The following MLXIPL variants were observed in gnomAD, a reference collection of about 807,000 sequenced individuals.
MLXIPL encodes carbohydrate-responsive element-binding protein.
MLXIPL carries 49 observed loss-of-function variants against 81.5 expected under a neutral mutation model. The ratio of observed to expected loss-of-function variants is 0.60; its 90% CI spans 0.48 to 0.76. The LOEUF (loss-of-function observed/expected upper bound fraction) is 0.76, where lower values mean the gene tolerates loss of function less well. Ranked by LOEUF, MLXIPL falls within the 30% of genes least tolerant of loss-of-function variation. The pLI is 0.00. For synonymous variants in MLXIPL, 466 were observed against 485.5 expected (o/e 0.96, Z 0.53); for missense variants, 1,053 against 1,167.0 (o/e 0.90, Z 1.42).
the MLXIPL span, among the ~76,000 whole-genome samples, chr7:73,633,080 C>CT: frequency 2.3e-3 from 315 of 135,254 alleles, 4 homozygotes; most frequent in Non-Finnish European, 2.9e-3. Flanking sequence ...CCCACCCTAC[C>CT]TTTTTTTTTT....
rs186747809 is a variant in MLXIPL, at chr7:73,620,179, G to A, written c.294-4002C>T. 7.6e-4 allele frequency among the ~76,000 whole-genome samples: 116 copies of A among 151,912 alleles called. 1 individual carries two copies. The highest frequency in any genetic ancestry group is 2.7e-3 in the African/African-American group (112 of 41,418). On this transcript the variant is annotated intron_variant, in intron 1 of 16. Transcript: ENST00000313375. ...AGCACTTTGGGAGGCCAAGGCAGGCGAATCACCTGAGGTCAGGAGTTCAAG... is the reference window on the plus strand; with the variant it reads ...AGCACTTTGGGAGGCCAAGGCAGGCAAATCACCTGAGGTCAGGAGTTCAAG...
chr7:73,631,087 C>T, the MLXIPL span, among the ~76,000 whole-genome samples: 2 of 151,718 alleles, frequency 1.3e-5, no homozygotes, highest in African/African-American at 4.8e-5. Flanking sequence ...CAGCTCACTG[C>T]AAGCTCCATC....
chr7:73,607,357 TGTG>T lies in MLXIPL; in HGVS notation c.544_546del (p.His182del). The T allele has an allele frequency of 6.4e-7, 1 of 1,567,366 alleles. No individual in the cohort carries two copies. Among genetic ancestry groups the T allele is most frequent in the Non-Finnish European group, 8.7e-7 (1 of 1,155,690 alleles). On this transcript the variant is annotated inframe_deletion, in exon 4 of 17. Coordinates refer to ENST00000313375, the MANE Select transcript of MLXIPL (RefSeq NM_032951.3). Reference sequence around the variant, plus strand: ...CGCTTCTTGTAGTAGATGCGCCACTTGTGGTATTCCCGCATCACCACCTCGATG... The same window carrying T: ...CGCTTCTTGTAGTAGATGCGCCACTTGTATTCCCGCATCACCACCTCGATG...
the MLXIPL span, among the ~76,000 whole-genome samples, chr7:73,635,436 C>T: frequency 6.6e-6 from 1 of 152,016 alleles, no homozygotes; most frequent in African/African-American, 2.4e-5. Context: ...GTCAGTCTAC[C>T]CACCCATCTG....
the MLXIPL span, among the ~76,000 whole-genome samples, chr7:73,631,305 G>A: frequency 1.3e-5 from 2 of 151,968 alleles, no homozygotes; most frequent in African/African-American, 2.4e-5. Flanking sequence ...GTGAGCCACC[G>A]CACCCGGCCC....
intron 2 of MLXIPL, among the ~76,000 whole-genome samples, chr7:73,615,351 T>C (rs1563506076): frequency 6.6e-6 from 1 of 152,118 alleles, no homozygotes; most frequent in Non-Finnish European, 1.5e-5. Context: ...GGATCCTCAG[T>C]TTCTCCATTT....
At chr7:73,633,946 G>A in the MLXIPL span, among the ~76,000 whole-genome samples, 1 of 152,288 alleles carries the variant, frequency 6.6e-6, no homozygotes, top group East Asian at 1.9e-4. Flanking sequence ...CCTACGGAAG[G>A]ACTTGGCAAA....
In MLXIPL at chr7:73,596,039, G is replaced by A. The variant is rs782637900; in HGVS notation, c.2059-70C>T. ...ACCCTGGGACCCACTGAGGCACTGG[G>A]ATGGGAGGAGGCAAGAGTGTCTGGA... is the stretch of plus-strand genomic sequence containing the variant. On this transcript the variant is annotated intron_variant, in intron 13 of 16. Transcript: ENST00000313375. The surrounding 1 kb of genome is among the most constrained non-coding windows in gnomAD (Gnocchi z 4.7). 2 of 1,604,180 alleles carry A rather than the reference G, an allele frequency of 1.2e-6. No individual in the cohort carries two copies. Among genetic ancestry groups the A allele is most frequent in the Non-Finnish European group, 1.7e-6 (2 of 1,177,974 alleles).
Position 73,593,730 on chromosome 7 carries a change from C to G in MLXIPL, c.*135G>C. The stretch of plus-strand genomic sequence containing the variant: ...GAGGTGGCAAGTGTGAAACCTGGAC[C>G]CTGCTCCACCCCCCAGGGAAGGGCA... On this transcript the variant is annotated 3_prime_UTR_variant, in exon 17 of 17. Coordinates refer to ENST00000313375, the MANE Select transcript of MLXIPL (RefSeq NM_032951.3). 6.1e-6 allele frequency: 5 copies of G among 813,878 alleles called. No homozygotes were observed. The highest frequency in any genetic ancestry group is 3.5e-4 in the Middle Eastern group (1 of 2,870). The allele number at this position is 813,878 out of a possible 1,614,324, so 50.4% of individuals were successfully genotyped here.
At chr7:73,612,906 C>T (rs782568529) in intron 2 of MLXIPL, among the ~76,000 whole-genome samples, 6 of 152,154 alleles carry the variant, frequency 3.9e-5, no homozygotes, top group Non-Finnish European at 7.4e-5. Flanking sequence ...CACAGCTTAG[C>T]GGGAGAGATA....
At chr7:73,622,991 T>C (rs1554602621) in intron 1 of MLXIPL, among the ~76,000 whole-genome samples, 2 of 151,898 alleles carry the variant, frequency 1.3e-5, no homozygotes, top group Non-Finnish European at 2.9e-5. Flanking sequence ...GCGTGACATT[T>C]GGGGAGGGAG....
In MLXIPL at chr7:73,597,334, A is replaced by G; in HGVS notation, c.1451T>C (p.Phe484Ser). ...TCTGGGCATGGAGAAGCAAGGCCCAAAGGCAGGCTCCGAATACCCCAAGGG... is the reference window on the plus strand; with the variant it reads ...TCTGGGCATGGAGAAGCAAGGCCCAGAGGCAGGCTCCGAATACCCCAAGGG... ...LLPLGYSEPA[F>S]GPCFSMPRGK... The change falls in exon 9 of 17, where the codon TTT becomes TCT. Residue 484 changes from phenylalanine (F) to serine (S), a missense_variant. By Grantham distance (155) the Phe-to-Ser change is radical (BLOSUM62 -2). Coordinates refer to ENST00000313375, the MANE Select transcript of MLXIPL (RefSeq NM_032951.3). 1.3e-6 allele frequency: 2 copies of G among 1,543,112 alleles called. No homozygotes were observed. The highest frequency in any genetic ancestry group is 1.7e-6 in the Non-Finnish European group (2 of 1,144,328).
intron 2 of MLXIPL, among the ~76,000 whole-genome samples, chr7:73,613,498 C>G (rs1423642786): frequency 1.3e-5 from 2 of 152,048 alleles, no homozygotes; most frequent in African/African-American, 4.8e-5. Context: ...ACTTGGGAGG[C>G]TGAGGCACAA....
At chr7:73,619,625 A>C (rs1168391366) in intron 1 of MLXIPL, among the ~76,000 whole-genome samples, 2 of 145,196 alleles carry the variant, frequency 1.4e-5, no homozygotes, top group African/African-American at 5.1e-5. Context: ...TGGGAACCCG[A>C]CTCATAAAAA....
chr7:73,594,339 T>C lies in MLXIPL; in HGVS notation c.2375A>G (p.His792Arg). The C allele has an allele frequency of 1.2e-6, 2 of 1,610,640 alleles. No individual in the cohort carries two copies. The highest frequency in any genetic ancestry group is 2.2e-5 in the South Asian group (2 of 91,080). Residue 792 changes from histidine to arginine, a missense_variant, in exon 16 of 17, where the codon CAC becomes CGC. His to Arg is a conservative substitution (Grantham distance 29, BLOSUM62 0). Around this residue, in one of 3 missense-constraint regions of MLXIPL, gnomAD observed 823 missense variants for 933.0 expected, o/e 0.88. Coordinates refer to ENST00000313375, the MANE Select transcript of MLXIPL (RefSeq NM_032951.3). ...GGCCAGTGAGGTCTGGCGGAGGGTG[T>C]GCACACTTGCCGTGGACACCATCCC... Reference protein sequence around the residue: ...FNGMVSTASVHTLRQTSLAWL... With the variant: ...FNGMVSTASVRTLRQTSLAWL...
the MLXIPL span, among the ~76,000 whole-genome samples, chr7:73,646,922 G>C: frequency 6.6e-6 from 1 of 152,162 alleles, no homozygotes; most frequent in Non-Finnish European, 1.5e-5. Context: ...CCCTTGTGAA[G>C]GCCCAGAGGG....
Position 73,596,247 on chromosome 7 carries a change from A to T in MLXIPL, c.1964T>A (p.Ile655Asn). Residue 655 changes from isoleucine to asparagine, a missense_variant, in exon 13 of 17, where the codon ATC becomes AAC. By Grantham distance (149) the Ile-to-Asn change is moderately radical (BLOSUM62 -3). Coordinates refer to ENST00000313375, the MANE Select transcript of MLXIPL (RefSeq NM_032951.3). This position sits in a 1 kb window ranked among gnomAD's most constrained non-coding sequence, Gnocchi z 4.7. ...NKTENRRITHISAEQKRRFNI... is the reference protein window; with the variant it reads ...NKTENRRITHNSAEQKRRFNI... ...GAAGCGCCGCTTCTGCTCCGCGGAG[A>T]TGTGTGTGATACGCCGGTTCTCGGT... 1.9e-6 allele frequency: 3 copies of T among 1,602,512 alleles called. No homozygotes were observed. The highest frequency in any genetic ancestry group is 2.5e-6 in the Non-Finnish European group (3 of 1,177,908).
At chr7:73,631,558 C>CTTTTTTTT in the MLXIPL span, among the ~76,000 whole-genome samples, 15 of 69,668 alleles carry the variant, frequency 2.2e-4, 3 homozygotes, top group African/African-American at 4.5e-4. Context: ...GATGTTGCTA[C>CTTTTTTTT]TTTTTTTTTT....
chr7:73,643,970 A>G, the MLXIPL span, among the ~76,000 whole-genome samples: 3 of 151,900 alleles, frequency 2.0e-5, no homozygotes, highest in African/African-American at 7.3e-5. Flanking sequence ...GGGTCTCACT[A>G]TGTTGCCCAG....
Sources: allele counts gnomAD v4.1 joint callset (sites outside exome capture counted in the v4.1 genomes callset), GRCh38; gene constraint gnomAD v4.1.1; regional missense constraint gnomAD v4.1.1; non-coding constraint Gnocchi (gnomAD v3.1); transcripts MANE v1.5; gene names NCBI Gene and HGNC (gene_info 2026-07-23, HGNC 2026-07-21).